FMN1: variants seen among roughly 807,000 people sequenced by gnomAD.
FMN1 encodes the protein formin-1.
FMN1 carries 110 observed loss-of-function variants against 132.4 expected under a neutral mutation model. That is an observed-to-expected ratio of 0.83 (90% confidence interval 0.71 to 0.97). FMN1 has a LOEUF of 0.97. Ranked by LOEUF, FMN1 falls within the 50% of genes least tolerant of loss-of-function variation. FMN1 has a pLI of 0.00. For synonymous variants in FMN1, 722 were observed against 651.7 expected, an observed-to-expected ratio of 1.11 and a Z score of -1.64; for missense variants, 1,792 against 1,705.3, an observed-to-expected ratio of 1.05 and a Z score of -0.90.
chr15:33,051,107 C>T (rs571889048), intron 6 of FMN1, among the ~76,000 whole-genome samples: 176 of 152,166 alleles, frequency 1.2e-3, no homozygotes, highest in African/African-American at 3.9e-3. Flanking sequence ...GCAGAGGGAT[C>T]GGGGGATATA....
At chr15:33,130,226 CATT>C (rs1566943506) in intron 4 of FMN1, among the ~76,000 whole-genome samples, 1 of 152,156 alleles carries the variant, frequency 6.6e-6, no homozygotes, top group Non-Finnish European at 1.5e-5. Context: ...TTTCTATTTT[CATT>C]ATTTATTATA....
At chr15:32,965,433 C>T (rs185535972) in intron 8 of FMN1, among the ~76,000 whole-genome samples, 6 of 152,086 alleles carry the variant, frequency 3.9e-5, no homozygotes, top group Admixed American at 3.9e-4. Context: ...CTATCAATGC[C>T]CACAAATTTC....
At chr15:32,949,289 A>G (rs28641732) in intron 9 of FMN1, among the ~76,000 whole-genome samples, 1 of 152,100 alleles carries the variant, frequency 6.6e-6, no homozygotes, top group African/African-American at 2.4e-5. Context: ...CTGACTTCAA[A>G]CTATACTACA....
chr15:33,125,912 A>T (rs995675535), intron 4 of FMN1, among the ~76,000 whole-genome samples: 3 of 152,182 alleles, frequency 2.0e-5, no homozygotes, highest in Non-Finnish European at 2.9e-5. Context: ...AAAAGTGCCA[A>T]ATTTCTTTCT....
At chr15:33,125,706 A>C (rs967087621) in intron 4 of FMN1, among the ~76,000 whole-genome samples, 10 of 27,862 alleles carry the variant, frequency 3.6e-4, no homozygotes, top group African/African-American at 2.2e-3. Flanking sequence ...AGGTGTCTCA[A>C]AAAAAAAAAA....
intron 6 of FMN1, among the ~76,000 whole-genome samples, chr15:33,027,274 GAAAAT>G (rs1387815323): frequency 6.6e-6 from 1 of 152,010 alleles, no homozygotes; most frequent in East Asian, 1.9e-4. Context: ...TTTTAATTTA[GAAAAT>G]AAAAGTACAG....
chr15:32,995,057 C>T (rs2033681655), intron 7 of FMN1, among the ~76,000 whole-genome samples: 1 of 152,080 alleles, frequency 6.6e-6, no homozygotes, highest in Non-Finnish European at 1.5e-5. Flanking sequence ...TGTGGAATGA[C>T]TCCTAAAGTA....
intron 17 of FMN1, among the ~76,000 whole-genome samples, chr15:32,832,660 C>T (rs2058529400): frequency 6.6e-6 from 1 of 152,086 alleles, no homozygotes; most frequent in African/African-American, 2.4e-5. Flanking sequence ...TGCCTGTAAT[C>T]CCAGCTACTT....
chr15:32,766,963 A>G lies in FMN1; in HGVS notation c.*7347T>C, dbSNP rs941265022. On this transcript the variant is annotated 3_prime_UTR_variant, in exon 21 of 21. Coordinates refer to ENST00000616417, the MANE Select transcript of FMN1 (RefSeq NM_001277313.2). ...ACAGGGTCTATGGTCAAGCAGCCCC[A>G]TGGATCTGAAATTGTTGGAGCTGTT... The G allele has an allele frequency of 6.6e-6, 1 of 152,248 alleles. No homozygotes were observed. The highest frequency in any genetic ancestry group is 1.5e-5 in the Non-Finnish European group (1 of 68,054). 9.4% of individuals were successfully genotyped at this position (152,248 alleles called of 1,614,324 possible). A position where few individuals can be genotyped will look rare whatever the true frequency, so the allele number is the denominator to read the frequency against.
chr15:33,068,284 C>T lies in FMN1; in HGVS notation c.2044-3210G>A, dbSNP rs1020119050. 4.5e-5 allele frequency: 8 copies of T among 176,466 alleles called. No individual in the cohort carries two copies. The East Asian group carries it at 8.7e-4, about 19-fold the overall frequency. The allele number at this position is 176,466 out of a possible 1,614,324, so 10.9% of individuals were successfully genotyped here. A position where few individuals can be genotyped will look rare whatever the true frequency, so the allele number is the denominator to read the frequency against. ...CACGAGGAGCTCCGCCCCAGGCCGG[C>T]GGTTCTCCTGGTGGCATTCAACTTC... On this transcript the variant is annotated intron_variant, in intron 5 of 20. Transcript: ENST00000616417.
intron 12 of FMN1, among the ~76,000 whole-genome samples, chr15:32,904,779 C>G (rs943480346): frequency 1.3e-5 from 2 of 152,192 alleles, no homozygotes; most frequent in Non-Finnish European, 2.9e-5. Flanking sequence ...AGCACCATAG[C>G]TCCTCTCTTA....
chr15:33,039,089 G>A (rs767103380), intron 6 of FMN1, among the ~76,000 whole-genome samples: 1 of 152,108 alleles, frequency 6.6e-6, no homozygotes, highest in Admixed American at 6.5e-5. Context: ...AAACACACAC[G>A]ATGTTAAACA....
At chr15:33,003,980 T>C (rs1333812544) in intron 7 of FMN1, among the ~76,000 whole-genome samples, 1 of 151,832 alleles carries the variant, frequency 6.6e-6, no homozygotes, top group Non-Finnish European at 1.5e-5. Context: ...CTGGGAAAAC[T>C]GGCTAGCCAT....
rs188116068 is a variant in FMN1, at chr15:33,115,377, A to T, written c.1868-26403T>A. The stretch of plus-strand genomic sequence containing the variant: ...CACATAAAAGAATGTATGTGTAAGA[A>T]GATGGCATATTTTCAACGGACTGGT... On this transcript the variant is annotated intron_variant, in intron 4 of 20. Coordinates refer to ENST00000616417, the MANE Select transcript of FMN1 (RefSeq NM_001277313.2). Among the ~76,000 whole-genome samples, 6 of 152,324 alleles carry T rather than the reference A, an allele frequency of 3.9e-5. No individual in the cohort carries two copies. The East Asian group carries it at 1.2e-3, about 29-fold the overall frequency.
intron 7 of FMN1, among the ~76,000 whole-genome samples, chr15:32,984,299 A>AT (rs2032910658): frequency 6.6e-6 from 1 of 152,052 alleles, no homozygotes; most frequent in Non-Finnish European, 1.5e-5. Context: ...ATAGATTAAT[A>AT]TTTTTTCTTA....
Position 32,908,485 on chromosome 15 carries a change from C to T in FMN1, c.3377+5G>A, listed in dbSNP as rs766235315. 4.4e-6 allele frequency: 7 copies of T among 1,594,748 alleles called. No individual in the cohort carries two copies. In the African/African-American group the frequency reaches 9.4e-5, roughly 21 times the overall value. On this transcript the variant is annotated splice_donor_5th_base_variant and intron_variant, in intron 12 of 20. Coordinates refer to ENST00000616417, the MANE Select transcript of FMN1 (RefSeq NM_001277313.2). ...GCCTAACAGAAAAATGTTAAGTATC[C>T]TTACTGCTCAGGTTTATCCAGCAGC...
chr15:33,140,356 T>C (rs1282920740), intron 4 of FMN1, among the ~76,000 whole-genome samples: 2 of 118,770 alleles, frequency 1.7e-5, no homozygotes, highest in Non-Finnish European at 3.9e-5. Flanking sequence ...TTGAACTAAT[T>C]TTAGTGGTAC....
At chr15:33,002,352 C>CA (rs1459449192) in intron 7 of FMN1, among the ~76,000 whole-genome samples, 19 of 152,312 alleles carry the variant, frequency 1.2e-4, no homozygotes, top group South Asian at 1.2e-3. Context: ...TTTTCCCACT[C>CA]ACTATCTTCC....
intron 4 of FMN1, among the ~76,000 whole-genome samples, chr15:33,118,983 T>C (rs770147207): frequency 4.0e-5 from 6 of 151,880 alleles, no homozygotes; most frequent in African/African-American, 9.7e-5. Flanking sequence ...AAAATGCTAA[T>C]ATTCAGATGG....
Sources: gnomAD v4.1 joint callset for allele counts (sites outside exome capture counted in the v4.1 genomes callset) on GRCh38, gnomAD v4.1.1 for gene constraint, MANE v1.5 for transcripts, NCBI Gene and HGNC (gene_info 2026-07-23, HGNC 2026-07-21) for gene names.